Variants in REXO4 observed in about 807,000 individuals in gnomAD.
REXO4 encodes the protein REX4 homolog, 3'-5' exonuclease.
REXO4 carries 29 observed loss-of-function variants against 39.9 expected under a neutral mutation model. That is an observed-to-expected ratio of 0.73 (90% CI 0.54 to 0.99). The LOEUF (loss-of-function observed/expected upper bound fraction) is 0.99, where lower values mean the gene tolerates loss of function less well. REXO4 is among the 50% of genes least tolerant of loss of function. The probability of loss-of-function intolerance (pLI) is 0.00; values close to 1 mark genes in which losing one functional copy is unlikely to be tolerated. For missense variants in REXO4, 524 were observed against 546.5 expected, an observed-to-expected ratio of 0.96 and a Z score of 0.41; for synonymous variants, 184 against 206.2, an observed-to-expected ratio of 0.89 and a Z score of 0.92.
At chr9:133,417,517 A>G in intron 1 of REXO4, 103 bp downstream of exon 1, 2 of 1,218,694 alleles carry the variant, frequency 1.6e-6, no homozygotes, top group South Asian at 2.6e-5. Flanking sequence ...TTCGATTCAA[A>G]TCTGCCTTTA....
At chr9:133,416,728 T>C (rs1839635795) in intron 1 of REXO4, among the ~76,000 whole-genome samples, 1 of 152,242 alleles carries the variant, frequency 6.6e-6, no homozygotes, top group Non-Finnish European at 1.5e-5. Flanking sequence ...GTCAGCCACC[T>C]GGTTCCCAGC....
intron 5 of REXO4, among the ~76,000 whole-genome samples, chr9:133,410,109 C>T (rs75685923): frequency 0.02 from 3,084 of 152,314 alleles, 50 homozygotes; most frequent in Non-Finnish European, 0.034. Context: ...AGTGCCGTCA[C>T]GGGAGCACCA....
At chr9:133,408,223 G>A (rs1041630858) in intron 6 of REXO4, among the ~76,000 whole-genome samples, 1 of 152,150 alleles carries the variant, frequency 6.6e-6, no homozygotes, top group Non-Finnish European at 1.5e-5. Flanking sequence ...GGAGGCCAAC[G>A]AGGGCAGATC....
At position 133,412,451 on chromosome 9, in the gene REXO4, A is replaced by G. The variant is rs1196604812; in HGVS notation, c.758T>C (p.Val253Ala). 3.1e-6 allele frequency: 5 copies of G among 1,613,914 alleles called. No homozygotes were observed. In the African/African-American group the frequency reaches 6.7e-5, roughly 22 times the overall value. ...ALALDCEMVGVGPKGEESMAA... is the reference protein window; with the variant it reads ...ALALDCEMVGAGPKGEESMAA... ...CATGCTCTCCTCCCCCTTAGGGCCC[A>G]CGCCCACCATCTCACAGTCCAAGGC... Residue 253 changes from valine to alanine, a missense_variant, in exon 4 of 8, where the codon GTG becomes GCG. By Grantham distance (64) the Val-to-Ala change is moderately conservative. Coordinates refer to ENST00000371942, the MANE Select transcript of REXO4 (RefSeq NM_020385.4).
intron 6 of REXO4, 116 bp downstream of exon 6, chr9:133,408,652 G>C: frequency 1.4e-6 from 1 of 709,410 alleles, no homozygotes; most frequent in South Asian, 1.6e-5. Flanking sequence ...AGTTTTAAAG[G>C]TTAAAAGAAA....
At chr9:133,413,455 CACAG>C (rs974631163) in intron 2 of REXO4, among the ~76,000 whole-genome samples, 6 of 152,058 alleles carry the variant, frequency 3.9e-5, no homozygotes, top group Non-Finnish European at 8.8e-5. Flanking sequence ...GATTTAGGAA[CACAG>C]ACAAACACAA....
chr9:133,408,435 G>A (rs587746458), intron 6 of REXO4, among the ~76,000 whole-genome samples: 95 of 151,860 alleles, frequency 6.3e-4, no homozygotes, highest in African/African-American at 2.2e-3. Flanking sequence ...CTCCAGCCTG[G>A]GTGACAGAGC....
chr9:133,413,978 G>C (rs587619620), intron 2 of REXO4, among the ~76,000 whole-genome samples: 2 of 152,366 alleles, frequency 1.3e-5, no homozygotes, highest in African/African-American at 4.8e-5. Flanking sequence ...CATGAAGCCA[G>C]CTGTAACTTA....
rs782396383 is a variant in REXO4 at position 133,408,843 on chromosome 9, C to G, written c.1000-1G>C. The G allele has an allele frequency of 5.1e-6, 8 of 1,559,584 alleles. No homozygotes were observed. Among genetic ancestry groups the G allele is most frequent in the Non-Finnish European group, 7.0e-6 (8 of 1,136,468 alleles). On this transcript the variant is annotated splice_acceptor_variant, in intron 5 of 7. Coordinates refer to ENST00000371942, the MANE Select transcript of REXO4 (RefSeq NM_020385.4). LOFTEE classifies it high-confidence loss of function. Reference sequence around the variant, plus strand: ...TTTTTGGATGATCAAGAAATAGTACCTAGAAAAATAAAATATAATGATAAT... The same window carrying G: ...TTTTTGGATGATCAAGAAATAGTACGTAGAAAAATAAAATATAATGATAAT...
chr9:133,417,990 G>T lies in REXO4; in HGVS notation c.-146C>A. On this transcript the variant is annotated 5_prime_UTR_variant, in exon 1 of 8. Transcript: ENST00000371942. ...CCGTCCAGGAAAAGACTCCGGAAGA[G>T]ACCCCGCACGCGTTGCGCATACCTC... The T allele has an allele frequency of 1.4e-6, 1 of 707,822 alleles. No homozygotes were observed. Among genetic ancestry groups the T allele is most frequent in the Non-Finnish European group, 2.3e-6 (1 of 435,540 alleles). The allele number at this position is 707,822 out of a possible 1,614,324, so 43.8% of individuals were successfully genotyped here. A position where few individuals can be genotyped will look rare whatever the true frequency, so the allele number is the denominator to read the frequency against.
At chr9:133,418,144 C>A, upstream of REXO4, 2 of 437,578 alleles carry the variant, frequency 4.6e-6, no homozygotes, top group Middle Eastern at 6.4e-4. Flanking sequence ...CCTTAGCCAG[C>A]GGCATCCGGG....
chr9:133,418,001 C>T lies in REXO4; in HGVS notation c.-157G>A, dbSNP rs1839784084. On this transcript the variant is annotated 5_prime_UTR_variant, in exon 1 of 8. Coordinates refer to ENST00000371942, the MANE Select transcript of REXO4 (RefSeq NM_020385.4). ...AAGACTCCGGAAGAGACCCCGCACG[C>T]GTTGCGCATACCTCAGCACGCACGC... 3 of 665,612 alleles carry T rather than the reference C, an allele frequency of 4.5e-6. No homozygotes were observed. In the African/African-American group the frequency reaches 5.5e-5, roughly 12 times the overall value. 41.2% of individuals were successfully genotyped at this position (665,612 alleles called of 1,614,324 possible).
chr9:133,417,780 G>T lies in REXO4; in HGVS notation c.65C>A (p.Pro22His). The change falls in exon 1 of 8, where the codon CCT becomes CAT. Residue 22 changes from proline to histidine, a missense_variant. Pro to His is a moderately conservative substitution (Grantham distance 77). Transcript: ENST00000371942. ...TTTCTTCCGAGTGAGCGTCTTGACA[G>T]GACCCGGCTTAGCCACGGGGCTGCT... ...APSSPVAKPG[P>H]VKTLTRKKNK... 6.2e-7 allele frequency: 1 copy of T among 1,611,136 alleles called. No homozygotes were observed.
intron 1 of REXO4, among the ~76,000 whole-genome samples, chr9:133,417,005 T>C (rs1305273375): frequency 2.0e-5 from 3 of 152,152 alleles, no homozygotes; most frequent in African/African-American, 4.8e-5. Flanking sequence ...CACAGACCAG[T>C]GTGTTCTTTC....
chr9:133,414,332 A>T (rs782200539), intron 2 of REXO4: 3 of 529,062 alleles, frequency 5.7e-6, no homozygotes, highest in Non-Finnish European at 1.1e-5. Context: ...GGCACAGAGG[A>T]CGTCAGAAAC....
At chr9:133,413,222 C>T (rs1045392927) in intron 2 of REXO4, among the ~76,000 whole-genome samples, 1 of 152,092 alleles carries the variant, frequency 6.6e-6, no homozygotes, top group African/African-American at 2.4e-5. Context: ...TCTCAGCCTC[C>T]CTAGTAGCTG....
At chr9:133,407,500 G>A (rs896523257) in intron 7 of REXO4, among the ~76,000 whole-genome samples, 4 of 152,230 alleles carry the variant, frequency 2.6e-5, no homozygotes, top group Non-Finnish European at 4.4e-5. Flanking sequence ...CAGCAGGGCC[G>A]GGCAGGGCAG....
intron 2 of REXO4, 91 bp from the exon 3 acceptor site, chr9:133,413,012 G>T: frequency 7.2e-7 from 1 of 1,390,142 alleles, no homozygotes; most frequent in East Asian, 2.4e-5. Context: ...GGTGAGTGGA[G>T]CGATGGCACA....
chr9:133,414,699 T>C lies in REXO4; in HGVS notation c.538A>G (p.Lys180Glu). 6.2e-7 allele frequency: 1 copy of C among 1,614,070 alleles called. No homozygotes were observed. The highest frequency in any genetic ancestry group is 1.1e-5 in the South Asian group (1 of 91,072). The change falls in exon 2 of 8, where the codon AAA becomes GAA. Residue 180 changes from lysine (K) to glutamate (E), a missense_variant. By Grantham distance (56) the Lys-to-Glu change is moderately conservative. Coordinates refer to ENST00000371942, the MANE Select transcript of REXO4 (RefSeq NM_020385.4). ...GGGGCTGGGGCTGCCTCCTTAGCTT[T>C]CCGCTTCTTATGCTCGATGTCCCCT... ...ERGDIEHKKR[K>E]AKEAAPAPPT... is the part of the protein sequence containing the mutation.
Sources: allele counts gnomAD v4.1 joint callset (sites outside exome capture counted in the v4.1 genomes callset), GRCh38; gene constraint gnomAD v4.1.1; transcripts MANE v1.5; gene names NCBI Gene and HGNC (gene_info 2026-07-23, HGNC 2026-07-21).